The following KCNIP3 variants were observed in gnomAD, a reference collection of about 807,000 sequenced individuals.
The protein encoded by KCNIP3 is calsenilin.
A neutral mutation model predicts 35.0 loss-of-function variants in KCNIP3; 28 were observed. That is an observed-to-expected ratio of 0.80 (90% CI 0.59 to 1.10). The LOEUF is 1.10. Among genes scored for constraint, KCNIP3 ranks in the 50% least tolerant of loss-of-function variants. The pLI, the probability that KCNIP3 is intolerant of heterozygous loss-of-function variation, is 0.00. For synonymous variants in KCNIP3, 134 were observed against 133.8 expected (o/e 1.00, Z -0.01); for missense variants, 295 against 338.4 (o/e 0.87, Z 1.01).
chr2:95,336,498 C>T (rs756420643), intron 2 of KCNIP3, among the ~76,000 whole-genome samples: 8 of 152,078 alleles, frequency 5.3e-5, no homozygotes, highest in Non-Finnish European at 1.0e-4. Context: ...GAACTATGTC[C>T]TTATCTGCTT....
intron 2 of KCNIP3, among the ~76,000 whole-genome samples, chr2:95,323,504 C>CCCCT (rs1678646638): frequency 6.6e-6 from 1 of 152,144 alleles, no homozygotes; most frequent in Non-Finnish European, 1.5e-5. Context: ...CAGGAAAGGG[C>CCCCT]CCCTCCCTGC....
intron 2 of KCNIP3, among the ~76,000 whole-genome samples, chr2:95,373,043 A>G (rs1680076731): frequency 6.6e-6 from 1 of 152,168 alleles, no homozygotes; most frequent in African/African-American, 2.4e-5. Context: ...TGTGCAGGAC[A>G]GCTGCCCCTG....
At chr2:95,380,161 T>C (rs1343791289) in intron 5 of KCNIP3, among the ~76,000 whole-genome samples, 3 of 152,228 alleles carry the variant, frequency 2.0e-5, no homozygotes, top group Admixed American at 1.3e-4. Flanking sequence ...CAACCTTTCT[T>C]TTTAAGTCTG....
At chr2:95,335,261 T>A (rs1194275262) in intron 2 of KCNIP3, among the ~76,000 whole-genome samples, 2 of 152,258 alleles carry the variant, frequency 1.3e-5, no homozygotes, top group Non-Finnish European at 2.9e-5. Flanking sequence ...GTGGAATGTA[T>A]CTACTAATGA....
intron 2 of KCNIP3, among the ~76,000 whole-genome samples, chr2:95,318,309 G>A (rs1458856356): frequency 3.3e-5 from 5 of 152,128 alleles, no homozygotes; most frequent in African/African-American, 1.2e-4. Context: ...ACACTGACTC[G>A]ACCGCCCAGG....
chr2:95,334,492 C>T (rs547876269), intron 2 of KCNIP3, among the ~76,000 whole-genome samples: 7 of 152,324 alleles, frequency 4.6e-5, no homozygotes, highest in African/African-American at 1.7e-4. Context: ...CCCCTCTTGC[C>T]AGCAGAGAGA....
At chr2:95,339,760 C>G (rs952874118) in intron 2 of KCNIP3, among the ~76,000 whole-genome samples, 38 of 152,150 alleles carry the variant, frequency 2.5e-4, no homozygotes, top group African/African-American at 8.5e-4. Flanking sequence ...TCTCTTTCCA[C>G]CTCTATTTCC....
intron 2 of KCNIP3, among the ~76,000 whole-genome samples, chr2:95,318,520 C>T (rs904740345): frequency 2.6e-5 from 4 of 152,284 alleles, no homozygotes; most frequent in South Asian, 4.1e-4. Flanking sequence ...TAGGGGACTC[C>T]CTGAGTCGGT....
At chr2:95,341,999 G>A (rs865994012) in intron 2 of KCNIP3, among the ~76,000 whole-genome samples, 7 of 152,142 alleles carry the variant, frequency 4.6e-5, no homozygotes, top group South Asian at 2.1e-4. Context: ...GTGACTCTGC[G>A]GAAGTGACAT....
intron 2 of KCNIP3, chr2:95,346,628 C>G (rs1410122262): frequency 6.9e-6 from 1 of 145,334 alleles, no homozygotes; most frequent in East Asian, 2.0e-4. Context: ...CCCCGCGCCC[C>G]GGCGCCCGCG....
rs572650278 is a variant in KCNIP3 at position 95,356,761 on chromosome 2, A to G, written c.182-17535A>G. Among the ~76,000 whole-genome samples the G allele has an allele frequency of 4.6e-5, 7 of 152,228 alleles. No homozygotes were observed. The South Asian group carries it at 1.2e-3, about 27-fold the overall frequency. Reference sequence around the variant, plus strand: ...GTTTTGGTTACTGTAGCCTTGTAGTATAGTTTGAAGTCAGGTAGCATGACG... The same window carrying G: ...GTTTTGGTTACTGTAGCCTTGTAGTGTAGTTTGAAGTCAGGTAGCATGACG... On this transcript the variant is annotated intron_variant, in intron 2 of 8. Coordinates refer to ENST00000295225, the MANE Select transcript of KCNIP3 (RefSeq NM_013434.5).
intron 6 of KCNIP3, 76 bp downstream of exon 6, chr2:95,381,779 CCCTGCT>C: frequency 9.9e-7 from 1 of 1,012,082 alleles, no homozygotes; most frequent in Non-Finnish European, 1.6e-6. Context: ...CTCTTCCTCT[CCCTGCT>C]CCTGCTGCCC....
At chr2:95,324,369 C>A (rs1034748115) in intron 2 of KCNIP3, among the ~76,000 whole-genome samples, 1 of 151,450 alleles carries the variant, frequency 6.6e-6, no homozygotes, top group African/African-American at 2.4e-5. Context: ...AAAAAATTAG[C>A]TGGGCGTGGT....
intron 2 of KCNIP3, among the ~76,000 whole-genome samples, chr2:95,319,095 C>A (rs1253448019): frequency 2.0e-5 from 3 of 152,234 alleles, no homozygotes; most frequent in South Asian, 4.1e-4. Flanking sequence ...CAAATTCATG[C>A]ATGACATTTT....
At chr2:95,371,792 CT>C (rs1333905811) in intron 2 of KCNIP3, among the ~76,000 whole-genome samples, 1 of 147,886 alleles carries the variant, frequency 6.8e-6, no homozygotes, top group African/African-American at 2.5e-5. Context: ...TTTTTCCATT[CT>C]TTTATTTTAA....
intron 1 of KCNIP3, among the ~76,000 whole-genome samples, chr2:95,308,241 T>C (rs1044055733): frequency 3.9e-5 from 6 of 152,182 alleles, no homozygotes; most frequent in African/African-American, 1.4e-4. Flanking sequence ...GGTCAGTGCC[T>C]CTTCTTGCTG....
intron 1 of KCNIP3, among the ~76,000 whole-genome samples, chr2:95,297,906 C>G (rs998618083): frequency 2.6e-5 from 4 of 152,130 alleles, no homozygotes; most frequent in Non-Finnish European, 5.9e-5. Context: ...GTCACTTGTG[C>G]TTGGAGGTTG....
chr2:95,325,205 G>A (rs952175341), intron 2 of KCNIP3, among the ~76,000 whole-genome samples: 12 of 152,210 alleles, frequency 7.9e-5, no homozygotes, highest in Admixed American at 7.2e-4. Context: ...CCCAGAGAGG[G>A]AAGGGCTTGG....
chr2:95,370,440 C>T (rs1680016427), intron 2 of KCNIP3, among the ~76,000 whole-genome samples: 1 of 152,220 alleles, frequency 6.6e-6, no homozygotes, highest in Non-Finnish European at 1.5e-5. Context: ...ACCTGAGATG[C>T]TTAGGGAGGT....
Sources: allele counts gnomAD v4.1 joint callset (sites outside exome capture counted in the v4.1 genomes callset), GRCh38; gene constraint gnomAD v4.1.1; transcripts MANE v1.5; gene names NCBI Gene and HGNC (gene_info 2026-07-23, HGNC 2026-07-21).